The following KCNQ5 variants were observed in gnomAD, a reference collection of about 807,000 sequenced individuals.
KCNQ5 encodes potassium voltage-gated channel subfamily Q member 5.
Under a neutral mutation model 98.2 loss-of-function variants are expected in KCNQ5, and 30 were observed. The observed-to-expected ratio is 0.31, with a 90% confidence interval of 0.23 to 0.41. The LOEUF (loss-of-function observed/expected upper bound fraction) is 0.41, where lower values mean the gene tolerates loss of function less well. Ranked by LOEUF, KCNQ5 falls within the 10% of genes least tolerant of loss-of-function variation. KCNQ5 has a pLI of 1.00. For synonymous variants in KCNQ5, 458 were observed against 449.4 expected, an observed-to-expected ratio of 1.02 and a Z score of -0.24; for missense variants, 835 against 1,182.5, an observed-to-expected ratio of 0.71 and a Z score of 4.31.
At chr6:72,632,138 CTT>C (rs71540354) in intron 1 of KCNQ5, among the ~76,000 whole-genome samples, 4 of 127,664 alleles carry the variant, frequency 3.1e-5, no homozygotes, top group African/African-American at 2.9e-5. Flanking sequence ...TTCTTTCTTT[CTT>C]TTTTTTTTTT....
intron 1 of KCNQ5, among the ~76,000 whole-genome samples, chr6:72,699,229 A>C (rs1188335758): frequency 6.6e-6 from 1 of 152,158 alleles, no homozygotes; most frequent in African/African-American, 2.4e-5. Flanking sequence ...ATTCTCTTTT[A>C]GGGAATAGCT....
Position 72,682,696 on chromosome 6 carries a change from A to G in KCNQ5, c.398+60109A>G, listed in dbSNP as rs547149176. Among the ~76,000 whole-genome samples the G allele has an allele frequency of 6.6e-5, 10 of 152,358 alleles. No homozygotes were observed. The East Asian group carries it at 1.3e-3, about 21-fold the overall frequency. On this transcript the variant is annotated intron_variant, in intron 1 of 13. Coordinates refer to ENST00000370398, the MANE Select transcript of KCNQ5 (RefSeq NM_019842.4). ...GAAAGTAAGCTCTTTAAATTGATTC[A>G]TAATGAAAATAGATTATTCCTGGTA...
chr6:72,813,790 T>C (rs1035794504), intron 1 of KCNQ5, among the ~76,000 whole-genome samples: 1 of 152,266 alleles, frequency 6.6e-6, no homozygotes, highest in Non-Finnish European at 1.5e-5. Context: ...GTAATTGCTA[T>C]GTAAATAGTT....
At chr6:73,150,176 C>G (rs1777095199) in intron 10 of KCNQ5, among the ~76,000 whole-genome samples, 1 of 151,608 alleles carries the variant, frequency 6.6e-6, no homozygotes, top group Admixed American at 6.6e-5. Flanking sequence ...ACACACCTGC[C>G]AGAATGGCTG....
intron 1 of KCNQ5, among the ~76,000 whole-genome samples, chr6:72,687,223 T>C (rs1247451379): frequency 6.6e-6 from 1 of 152,266 alleles, no homozygotes; most frequent in Non-Finnish European, 1.5e-5. Context: ...CTCTCTGCTC[T>C]GTTTCCACTG....
intron 1 of KCNQ5, among the ~76,000 whole-genome samples, chr6:72,648,391 T>C (rs1187702893): frequency 6.6e-6 from 1 of 152,168 alleles, no homozygotes; most frequent in African/African-American, 2.4e-5. Context: ...TGTCATTGTA[T>C]AGGAAAATAC....
intron 1 of KCNQ5, among the ~76,000 whole-genome samples, chr6:72,915,718 ACT>A (rs1780108210): frequency 6.6e-6 from 1 of 152,172 alleles, no homozygotes; most frequent in African/African-American, 2.4e-5. Context: ...ACACAGGCAC[ACT>A]GACTAAACTT....
rs759343724 is a variant in KCNQ5, at chr6:72,856,445, TAC to T, written c.399-147443_399-147442del. ...ATAGCAATATATATGTATGTATACA[TAC>T]ACACACACACACACACACATATATA... On this transcript the variant is annotated intron_variant, in intron 1 of 13. Transcript: ENST00000370398. 8.1e-3 allele frequency among the ~76,000 whole-genome samples: 1,044 copies of T among 129,434 alleles called. 11 individuals are homozygous for T. Among genetic ancestry groups the T allele is most frequent in the African/African-American group, 0.022 (808 of 36,660 alleles). The allele number at this position is 129,434 out of a possible 152,430, so 84.9% of individuals were successfully genotyped here.
chr6:73,154,482 T>A (rs984231035), intron 10 of KCNQ5, among the ~76,000 whole-genome samples: 1 of 152,210 alleles, frequency 6.6e-6, no homozygotes, highest in African/African-American at 2.4e-5. Context: ...ACATTGTTCC[T>A]GAAGAGAAAA....
At chr6:72,778,260 G>A (rs923287946) in intron 1 of KCNQ5, among the ~76,000 whole-genome samples, 1 of 152,186 alleles carries the variant, frequency 6.6e-6, no homozygotes, top group African/African-American at 2.4e-5. Context: ...ATACAGGCCA[G>A]GCGCAGTGGC....
At chr6:72,874,038 A>G (rs1051621177) in intron 1 of KCNQ5, among the ~76,000 whole-genome samples, 2 of 151,688 alleles carry the variant, frequency 1.3e-5, no homozygotes, top group Non-Finnish European at 2.9e-5. Context: ...CTTGTATTTT[A>G]TTTATATTTA....
intron 2 of KCNQ5, among the ~76,000 whole-genome samples, chr6:73,015,633 A>G (rs562815905): frequency 6.6e-6 from 1 of 152,208 alleles, no homozygotes; most frequent in Admixed American, 6.5e-5. Context: ...ACATCCTTAG[A>G]GCTATAAATG....
At chr6:73,036,436 C>A (rs1321740964) in intron 2 of KCNQ5, among the ~76,000 whole-genome samples, 1 of 147,668 alleles carries the variant, frequency 6.8e-6, no homozygotes, top group Non-Finnish European at 1.5e-5. Context: ...TCCATTGTCA[C>A]AAGGATCTCT....
chr6:72,983,398 CT>C (rs1457365030), intron 1 of KCNQ5, among the ~76,000 whole-genome samples: 1 of 151,996 alleles, frequency 6.6e-6, no homozygotes, highest in Non-Finnish European at 1.5e-5. Context: ...CTAAACTTCT[CT>C]TCTCACTTCA....
intron 1 of KCNQ5, among the ~76,000 whole-genome samples, chr6:72,691,461 G>T (rs1445364347): frequency 3.9e-5 from 6 of 152,144 alleles, no homozygotes; most frequent in Non-Finnish European, 8.8e-5. Flanking sequence ...TGAAAATAAG[G>T]TTTCCCTTGA....
intron 1 of KCNQ5, among the ~76,000 whole-genome samples, chr6:72,801,439 G>A (rs2150093575): frequency 7.5e-6 from 1 of 133,348 alleles, no homozygotes; most frequent in Non-Finnish European, 1.6e-5. Flanking sequence ...TCAGAGACTA[G>A]GATTGCAACC....
intron 1 of KCNQ5, among the ~76,000 whole-genome samples, chr6:72,952,048 T>C (rs1274936930): frequency 6.6e-6 from 1 of 152,110 alleles, no homozygotes; most frequent in African/African-American, 2.4e-5. Flanking sequence ...CAATTGTGCA[T>C]TTGGGGAAAA....
chr6:72,708,768 C>T (rs1044467106), intron 1 of KCNQ5, among the ~76,000 whole-genome samples: 1 of 152,110 alleles, frequency 6.6e-6, no homozygotes, highest in African/African-American at 2.4e-5. Flanking sequence ...CACCTCCCTT[C>T]GCCTTCTAAA....
chr6:73,158,003 G>A, intron 10 of KCNQ5: 2 of 734,672 alleles, frequency 2.7e-6, no homozygotes, highest in South Asian at 2.8e-5. Context: ...AGATCAAGTA[G>A]GGTTCTCTGG....
Sources: gnomAD v4.1 joint callset for allele counts (sites outside exome capture counted in the v4.1 genomes callset) on GRCh38, gnomAD v4.1.1 for gene constraint, MANE v1.5 for transcripts, NCBI Gene and HGNC (gene_info 2026-07-23, HGNC 2026-07-21) for gene names.